ZNF385D: variants seen among roughly 807,000 people sequenced by gnomAD.
ZNF385D encodes zinc finger protein 385D, also known as zinc finger protein 659.
A neutral mutation model predicts 35.8 loss-of-function variants in ZNF385D; 15 were observed. The observed-to-expected ratio is 0.42, with a 90% CI of 0.28 to 0.64. ZNF385D has a LOEUF of 0.64. ZNF385D is among the 30% of genes least tolerant of loss of function. The pLI is 0.23. For missense variants in ZNF385D, 474 were observed against 494.6 expected (o/e 0.96, Z 0.39); for synonymous variants, 212 against 186.8 (o/e 1.13, Z -1.10).
chr3:22,237,589 T>C (rs1458274018), intron 2 of ZNF385D, among the ~76,000 whole-genome samples: 1 of 152,186 alleles, frequency 6.6e-6, no homozygotes, highest in Admixed American at 6.5e-5. Flanking sequence ...TCAAGGTCAT[T>C]AACATTTACA....
rs144595648 is a variant in ZNF385D at position 21,863,756 on chromosome 3, G to A, written c.326-198728C>T. On this transcript the variant is annotated intron_variant, in intron 3 of 5. Coordinates refer to the ZNF385D transcript ENST00000494108. Reference sequence around the variant, plus strand: ...CAGTACGATTGATACAGAAAAGCTGGAATTTTAAGGCAGGACTCATGTTGC... The same window carrying A: ...CAGTACGATTGATACAGAAAAGCTGAAATTTTAAGGCAGGACTCATGTTGC... 1.8e-3 allele frequency among the ~76,000 whole-genome samples: 274 copies of A among 152,276 alleles called. 5 individuals are homozygous for A. Among genetic ancestry groups the A allele is most frequent in the African/African-American group, 6.4e-3 (265 of 41,574 alleles).
chr3:21,518,041 G>A (rs1039335179), intron 3 of ZNF385D, among the ~76,000 whole-genome samples: 2 of 152,020 alleles, frequency 1.3e-5, no homozygotes, highest in African/African-American at 4.8e-5. Flanking sequence ...CAGGTGATTT[G>A]GTTAACTCTA....
At chr3:21,693,370 T>C (rs1429443132) in intron 1 of ZNF385D, among the ~76,000 whole-genome samples, 2 of 150,834 alleles carry the variant, frequency 1.3e-5, no homozygotes, top group Non-Finnish European at 3.0e-5. Flanking sequence ...CTTGGGGGCA[T>C]ACCTTTGCTT....
At chr3:21,800,696 G>C (rs2072356808) in intron 3 of ZNF385D, among the ~76,000 whole-genome samples, 2 of 152,022 alleles carry the variant, frequency 1.3e-5, no homozygotes, top group Admixed American at 1.3e-4. Context: ...GTTCCTCTTT[G>C]AATTGTTCAA....
intron 4 of ZNF385D, among the ~76,000 whole-genome samples, chr3:21,471,441 G>A (rs1418376050): frequency 6.6e-6 from 1 of 151,960 alleles, no homozygotes; most frequent in Non-Finnish European, 1.5e-5. Flanking sequence ...TATTGCAGAG[G>A]TTCCATTAAT....
chr3:21,949,547 TTTC>T (rs748913506), intron 3 of ZNF385D, among the ~76,000 whole-genome samples: 391 of 28,118 alleles, frequency 0.014, 1 homozygote, highest in African/African-American at 0.051. Flanking sequence ...CCTTCTTTTC[TTTC>T]TTTCTTTTTT....
intron 3 of ZNF385D, among the ~76,000 whole-genome samples, chr3:22,156,645 G>A (rs369205246): frequency 1.3e-5 from 2 of 152,076 alleles, no homozygotes; most frequent in African/African-American, 2.4e-5. Flanking sequence ...TGCCTCCATA[G>A]CAGACTTTTC....
At position 22,004,990 on chromosome 3, in the gene ZNF385D, C is replaced by T. The variant is rs111409964; in HGVS notation, c.325+163827G>A. ...TCCTTAGCTTTGGCAAAATAAACTT[C>T]CTAAATTGACTGAGACCTGCCTTAG... On this transcript the variant is annotated intron_variant, in intron 3 of 5. Coordinates refer to the ZNF385D transcript ENST00000494108. Among the ~76,000 whole-genome samples, 1,196 of 140,138 alleles carry T rather than the reference C, an allele frequency of 8.5e-3. 15 individuals carry two copies. The highest frequency in any genetic ancestry group is 0.03 in the African/African-American group (1,141 of 37,988). The allele number at this position is 140,138 out of a possible 152,430, so 91.9% of individuals were successfully genotyped here.
At chr3:22,108,993 C>A (rs907374691) in intron 3 of ZNF385D, among the ~76,000 whole-genome samples, 35 of 152,124 alleles carry the variant, frequency 2.3e-4, no homozygotes, top group African/African-American at 7.2e-4. Context: ...GCCTGGGTGA[C>A]AGAGCAAGAT....
chr3:22,062,280 C>G (rs1699728924), intron 3 of ZNF385D, among the ~76,000 whole-genome samples: 1 of 152,046 alleles, frequency 6.6e-6, no homozygotes, highest in Non-Finnish European at 1.5e-5. Flanking sequence ...GACTTAAACT[C>G]TCGGGATCAA....
intron 3 of ZNF385D, among the ~76,000 whole-genome samples, chr3:21,842,400 C>T (rs1695737525): frequency 6.6e-6 from 1 of 151,918 alleles, no homozygotes; most frequent in Non-Finnish European, 1.5e-5. Flanking sequence ...ATTCCTATTG[C>T]CTATGTGAAT....
intron 3 of ZNF385D, among the ~76,000 whole-genome samples, chr3:21,767,646 T>C (rs561758476): frequency 3.6e-4 from 54 of 151,730 alleles, no homozygotes; most frequent in South Asian, 1.3e-3. Context: ...GATGAATGAA[T>C]TGATGAGTGG....
At chr3:21,572,464 T>G (rs965964099) in intron 2 of ZNF385D, among the ~76,000 whole-genome samples, 2 of 152,212 alleles carry the variant, frequency 1.3e-5, no homozygotes, top group African/African-American at 4.8e-5. Flanking sequence ...TACCTCCAAG[T>G]ATGTACCTTG....
chr3:22,336,323 T>C (rs1430614708), intron 2 of ZNF385D, among the ~76,000 whole-genome samples: 1 of 152,190 alleles, frequency 6.6e-6, no homozygotes, highest in African/African-American at 2.4e-5. Flanking sequence ...TTGCAACTTG[T>C]ACAATACCAA....
chr3:22,034,107 G>T (rs1698173865), intron 3 of ZNF385D, among the ~76,000 whole-genome samples: 1 of 152,138 alleles, frequency 6.6e-6, no homozygotes, highest in Non-Finnish European at 1.5e-5. Context: ...GCTGTGGACT[G>T]AATGTTTGTG....
intron 2 of ZNF385D, among the ~76,000 whole-genome samples, chr3:22,280,807 T>C (rs1363577588): frequency 6.6e-6 from 1 of 152,076 alleles, no homozygotes; most frequent in East Asian, 1.9e-4. Context: ...TGAGGAATGA[T>C]TGCGGTATTT....
chr3:21,901,466 G>A (rs924044178), intron 3 of ZNF385D, among the ~76,000 whole-genome samples: 2 of 152,176 alleles, frequency 1.3e-5, no homozygotes, highest in South Asian at 4.1e-4. Context: ...AGGCAATAAT[G>A]TAATAATAGT....
At chr3:21,693,685 A>T (rs1028548373) in intron 1 of ZNF385D, among the ~76,000 whole-genome samples, 1 of 152,162 alleles carries the variant, frequency 6.6e-6, no homozygotes, top group East Asian at 1.9e-4. Flanking sequence ...AAATACTGGA[A>T]TCATCTCCCT....
chr3:22,115,675 T>C (rs767685288), intron 3 of ZNF385D, among the ~76,000 whole-genome samples: 3 of 152,090 alleles, frequency 2.0e-5, no homozygotes, highest in Non-Finnish European at 4.4e-5. Context: ...TTGAGAAGTT[T>C]AGTAGCTTGG....
Sources: gnomAD v4.1 joint callset for allele counts (sites outside exome capture counted in the v4.1 genomes callset) on GRCh38, gnomAD v4.1.1 for gene constraint, MANE v1.5 for transcripts, NCBI Gene and HGNC (gene_info 2026-07-23, HGNC 2026-07-21) for gene names.